The following IQGAP2 variants were observed in gnomAD, a reference collection of about 807,000 sequenced individuals.
IQGAP2 encodes the protein IQ motif containing GTPase activating protein 2, also known as ras GTPase-activating-like protein IQGAP2.
In IQGAP2, 173 loss-of-function variants were observed where a neutral mutation model predicts 201.3. That is an observed-to-expected ratio of 0.86 (90% CI 0.76 to 0.98). IQGAP2 has a LOEUF of 0.98. Ranked by LOEUF, IQGAP2 falls within the 50% of genes least tolerant of loss-of-function variation. The pLI, the probability that IQGAP2 is intolerant of heterozygous loss-of-function variation, is 0.00. For synonymous variants in IQGAP2, 675 were observed against 673.9 expected, an observed-to-expected ratio of 1.00 and a Z score of -0.03; for missense variants, 1,687 against 1,864.8, an observed-to-expected ratio of 0.90 and a Z score of 1.76.
intron 5 of IQGAP2, among the ~76,000 whole-genome samples, chr5:76,584,725 CT>C (rs1746124025): frequency 6.6e-6 from 1 of 152,154 alleles, no homozygotes; most frequent in South Asian, 2.1e-4. Context: ...CGTTCCATTG[CT>C]CTCTACAGCT....
At chr5:76,413,904 G>A (rs958655258) in intron 1 of IQGAP2, among the ~76,000 whole-genome samples, 2 of 152,158 alleles carry the variant, frequency 1.3e-5, no homozygotes, top group African/African-American at 4.8e-5. Context: ...CCAGTCCTGT[G>A]GGAGTTTAGA....
intron 1 of IQGAP2, among the ~76,000 whole-genome samples, chr5:76,456,953 T>C (rs1407572579): frequency 6.6e-6 from 1 of 152,166 alleles, no homozygotes; most frequent in Non-Finnish European, 1.5e-5. Flanking sequence ...TTTTTAAAAA[T>C]ACAAAATAAA....
chr5:76,592,901 C>A lies in IQGAP2; in HGVS notation c.883C>A (p.Gln295Lys). ...YEELLTQAEIQGNINKVNRQA... is the reference protein window; with the variant it reads ...YEELLTQAEIKGNINKVNRQA... ...AGAACTGCTGACACAAGCAGAAATC[C>A]AAGGCAATATTAATAAAGTCAACAG... Residue 295 changes from glutamine to lysine, a missense_variant, in exon 9 of 36, where the codon CAA becomes AAA. Gln to Lys is a moderately conservative substitution (Grantham distance 53, BLOSUM62 1). Transcript: ENST00000274364. The A allele has an allele frequency of 6.2e-7, 1 of 1,609,832 alleles. No homozygotes were observed. Among genetic ancestry groups the A allele is most frequent in the Non-Finnish European group, 8.5e-7 (1 of 1,176,240 alleles).
At chr5:76,455,280 C>A (rs1754005677) in intron 1 of IQGAP2, among the ~76,000 whole-genome samples, 1 of 151,788 alleles carries the variant, frequency 6.6e-6, no homozygotes, top group South Asian at 2.1e-4. Flanking sequence ...GAAACCCTGT[C>A]TCTACTAAAA....
chr5:76,704,289 C>G (rs1382244366), intron 35 of IQGAP2, among the ~76,000 whole-genome samples: 2 of 152,040 alleles, frequency 1.3e-5, no homozygotes, highest in Non-Finnish European at 2.9e-5. Flanking sequence ...ATGTGATTGC[C>G]AAGAAGGAAA....
chr5:76,466,818 C>T (rs1236077664), intron 2 of IQGAP2, among the ~76,000 whole-genome samples: 1 of 152,006 alleles, frequency 6.6e-6, no homozygotes, highest in Non-Finnish European at 1.5e-5. Context: ...GCTATGACAC[C>T]AAAGCACAAC....
intron 1 of IQGAP2, among the ~76,000 whole-genome samples, chr5:76,408,975 G>A (rs556823609): frequency 4.3e-4 from 65 of 152,020 alleles, no homozygotes; most frequent in East Asian, 2.5e-3. Flanking sequence ...GTATGTTTTA[G>A]TAGAGGTGGG....
At chr5:76,684,678 G>A (rs1745582827) in intron 30 of IQGAP2, among the ~76,000 whole-genome samples, 1 of 152,156 alleles carries the variant, frequency 6.6e-6, no homozygotes, top group South Asian at 2.1e-4. Context: ...GGAAAAATGA[G>A]GACAAAGGGA....
chr5:76,478,861 A>G (rs550242516), intron 2 of IQGAP2, among the ~76,000 whole-genome samples: 2 of 152,306 alleles, frequency 1.3e-5, no homozygotes, highest in East Asian at 3.9e-4. Context: ...TGACCGCACT[A>G]GGTGCTGCTT....
intron 17 of IQGAP2, among the ~76,000 whole-genome samples, chr5:76,652,168 G>T (rs1431980652): frequency 6.6e-6 from 1 of 152,134 alleles, no homozygotes; most frequent in African/African-American, 2.4e-5. Context: ...ATTCTTAATG[G>T]TGATAATCAG....
At chr5:76,702,112 A>G (rs1747456457) in intron 34 of IQGAP2, among the ~76,000 whole-genome samples, 1 of 152,204 alleles carries the variant, frequency 6.6e-6, no homozygotes, top group African/African-American at 2.4e-5. Flanking sequence ...CCTGGCCTGA[A>G]GTTTCTATAA....
At chr5:76,419,616 G>T (rs1751611973) in intron 1 of IQGAP2, among the ~76,000 whole-genome samples, 1 of 151,606 alleles carries the variant, frequency 6.6e-6, no homozygotes, top group Non-Finnish European at 1.5e-5. Context: ...GAGATTACAG[G>T]TGTGAGCTAC....
chr5:76,520,005 A>G (rs577073657), intron 2 of IQGAP2, among the ~76,000 whole-genome samples: 1 of 151,636 alleles, frequency 6.6e-6, no homozygotes, highest in South Asian at 2.1e-4. Flanking sequence ...TCTTATCAGA[A>G]TCTTTCAAAG....
intron 1 of IQGAP2, among the ~76,000 whole-genome samples, chr5:76,452,175 C>G (rs573890073): frequency 6.8e-6 from 1 of 147,336 alleles, no homozygotes; most frequent in South Asian, 2.1e-4. Flanking sequence ...GTGATCTACC[C>G]GAGTGCTGGG....
intron 2 of IQGAP2, among the ~76,000 whole-genome samples, chr5:76,508,357 G>A (rs1455334034): frequency 6.6e-6 from 1 of 152,012 alleles, no homozygotes; most frequent in Non-Finnish European, 1.5e-5. Context: ...CCTCACCAAA[G>A]AAGATATACA....
rs141862433 is a variant in IQGAP2, at chr5:76,432,890, G to A, written c.47-28680G>A. Reference sequence around the variant, plus strand: ...CAGACCATTATGGATCACATATGGGGCCCCTTGCCCTGTGGCTTTTAGGTA... The same window carrying A: ...CAGACCATTATGGATCACATATGGGACCCCTTGCCCTGTGGCTTTTAGGTA... On this transcript the variant is annotated intron_variant, in intron 1 of 35. Coordinates refer to ENST00000274364, the MANE Select transcript of IQGAP2 (RefSeq NM_006633.5). Among the ~76,000 whole-genome samples, 96 of 152,310 alleles carry A rather than the reference G, an allele frequency of 6.3e-4. 1 individual carries two copies. The highest frequency in any genetic ancestry group is 3.4e-3 in the Middle Eastern group (1 of 294).
chr5:76,633,703 C>T (rs1750886733), intron 15 of IQGAP2, among the ~76,000 whole-genome samples: 2 of 152,234 alleles, frequency 1.3e-5, no homozygotes, highest in South Asian at 4.2e-4. Context: ...CCCCATCACC[C>T]ACTCCCCAGC....
At chr5:76,676,859 C>T (rs1744864741) in intron 27 of IQGAP2, among the ~76,000 whole-genome samples, 1 of 152,184 alleles carries the variant, frequency 6.6e-6, no homozygotes, top group Admixed American at 6.5e-5. Context: ...ATTCCTCACA[C>T]AGACTTGATT....
At chr5:76,454,719 T>A (rs1580227303) in intron 1 of IQGAP2, among the ~76,000 whole-genome samples, 2 of 151,810 alleles carry the variant, frequency 1.3e-5, no homozygotes, top group South Asian at 2.1e-4. Flanking sequence ...TGGTTCCAAG[T>A]CTTTGCTATT....
Sources: gnomAD v4.1 joint callset for allele counts (sites outside exome capture counted in the v4.1 genomes callset) on GRCh38, gnomAD v4.1.1 for gene constraint, MANE v1.5 for transcripts, NCBI Gene and HGNC (gene_info 2026-07-23, HGNC 2026-07-21) for gene names.